DYRK1A: variants seen among roughly 807,000 people sequenced by gnomAD.
DYRK1A encodes dual specificity tyrosine phosphorylation regulated kinase 1A.
A neutral mutation model predicts 79.7 loss-of-function variants in DYRK1A; 9 were observed. The ratio of observed to expected loss-of-function variants is 0.11; its 90% confidence interval spans 0.07 to 0.20. The LOEUF (loss-of-function observed/expected upper bound fraction) is 0.20. DYRK1A is among the 10% of genes least tolerant of loss of function. The pLI is 1.00. For missense variants in DYRK1A, 622 were observed against 956.0 expected, an observed-to-expected ratio of 0.65 and a Z score of 4.61; for synonymous variants, 349 against 329.7, an observed-to-expected ratio of 1.06 and a Z score of -0.63.
intron 2 of DYRK1A, among the ~76,000 whole-genome samples, chr21:37,466,164 T>C (rs1237212400): frequency 6.6e-6 from 1 of 152,234 alleles, no homozygotes; most frequent in African/African-American, 2.4e-5. Flanking sequence ...TACCCATCTT[T>C]CCTTCCAGAT....
intron 2 of DYRK1A, among the ~76,000 whole-genome samples, chr21:37,440,993 C>T (rs919255835): frequency 3.3e-5 from 5 of 152,036 alleles, no homozygotes; most frequent in African/African-American, 7.2e-5. Context: ...TATTGAGAGA[C>T]GGATATTGAA....
chr21:37,449,557 CGT>C (rs775157512), intron 2 of DYRK1A, among the ~76,000 whole-genome samples: 6 of 152,090 alleles, frequency 3.9e-5, no homozygotes. Context: ...GTCTTAGTCA[CGT>C]GGCCATGCTA....
chr21:37,366,667 G>A (rs1331074047), upstream of DYRK1A, among the ~76,000 whole-genome samples: 3 of 151,772 alleles, frequency 2.0e-5, no homozygotes, highest in Admixed American at 1.3e-4. Context: ...GGAATCTGCC[G>A]TTACCTGAGC....
At chr21:37,380,981 A>G (rs1165622078) in intron 1 of DYRK1A, among the ~76,000 whole-genome samples, 4 of 152,098 alleles carry the variant, frequency 2.6e-5, no homozygotes, top group Non-Finnish European at 4.4e-5. Context: ...TAAAAATCTC[A>G]TGTGTCCTTG....
At chr21:37,412,561 C>CT (rs1973888585) in intron 1 of DYRK1A, among the ~76,000 whole-genome samples, 3 of 152,000 alleles carry the variant, frequency 2.0e-5, no homozygotes, top group African/African-American at 7.3e-5. Flanking sequence ...ACCATCAGGC[C>CT]TAGGAGATAG....
rs1016145398 is a variant in DYRK1A at position 37,525,487 on chromosome 21, C to G, written c.*12956C>G. ...ACCTCCCACTGGGTCCTACCCATGA[C>G]ACGTGGGGATTATGGGGGCTACAAT... is the stretch of plus-strand genomic sequence containing the variant. On this transcript the variant is annotated 3_prime_UTR_variant, in exon 12 of 12. Transcript: ENST00000647188. The G allele has an allele frequency of 1.3e-5, 2 of 152,166 alleles. No individual in the cohort carries two copies. Among genetic ancestry groups the G allele is most frequent in the Non-Finnish European group, 2.9e-5 (2 of 68,046 alleles). The allele number at this position is 152,166 out of a possible 1,614,324, so 9.4% of individuals were successfully genotyped here. A position where few individuals can be genotyped will look rare whatever the true frequency, so the allele number is the denominator to read the frequency against.
intron 3 of DYRK1A, among the ~76,000 whole-genome samples, chr21:37,474,145 T>TGTGGGG (rs2052319301): frequency 6.6e-6 from 1 of 152,198 alleles, no homozygotes; most frequent in African/African-American, 2.4e-5. Context: ...CAGCCTGGGC[T>TGTGGGG]TCCTTCTTCT....
At chr21:37,389,930 T>G (rs1181848805) in intron 1 of DYRK1A, among the ~76,000 whole-genome samples, 1 of 151,612 alleles carries the variant, frequency 6.6e-6, no homozygotes, top group East Asian at 1.9e-4. Flanking sequence ...TTTTTGTTTT[T>G]TTTTTTTTTT....
intron 1 of DYRK1A, among the ~76,000 whole-genome samples, chr21:37,403,657 A>ATGTGTGTG (rs1569295416): frequency 8.0e-6 from 1 of 124,952 alleles, no homozygotes; most frequent in African/African-American, 3.3e-5. Flanking sequence ...AAATATATAT[A>ATGTGTGTG]TATATATGTG....
Position 37,480,788 on chromosome 21 carries a change from G to A in DYRK1A, c.451G>A (p.Glu151Lys), listed in dbSNP as rs1470299902. The change falls in exon 5 of 12, where the codon GAA becomes AAA. Residue 151 changes from glutamate to lysine, a missense_variant. Coordinates refer to ENST00000647188, the MANE Select transcript of DYRK1A (RefSeq NM_001347721.2). ...CGGAGAAAAGTGGATGGATCGTTAC[G>A]AAATTGACTCCTTGATAGGCAAAGG... ...KNGEKWMDRY[E>K]IDSLIGKGSF... The A allele has an allele frequency of 1.9e-6, 3 of 1,608,082 alleles. No individual in the cohort carries two copies. The highest frequency in any genetic ancestry group is 2.5e-6 in the Non-Finnish European group (3 of 1,177,746).
At chr21:37,484,149 T>C (rs933665940) in intron 5 of DYRK1A, among the ~76,000 whole-genome samples, 2 of 152,140 alleles carry the variant, frequency 1.3e-5, no homozygotes, top group Non-Finnish European at 2.9e-5. Context: ...CTAGGTTGTG[T>C]ACTCCTTATG....
At chr21:37,412,279 C>T (rs1041656734) in intron 1 of DYRK1A, among the ~76,000 whole-genome samples, 3 of 152,202 alleles carry the variant, frequency 2.0e-5, no homozygotes, top group African/African-American at 7.2e-5. Context: ...TAAGATCATA[C>T]GTTTCTAAAT....
At chr21:37,432,215 G>A (rs556978195) in intron 2 of DYRK1A, among the ~76,000 whole-genome samples, 4 of 152,130 alleles carry the variant, frequency 2.6e-5, no homozygotes, top group Admixed American at 2.0e-4. Flanking sequence ...AAGGGAGGGA[G>A]GAAGAGGATG....
rs963237946 is a variant in DYRK1A, at chr21:37,515,075, C to T, written c.*2544C>T. The stretch of plus-strand genomic sequence containing the variant: ...TGTGTTCAGATTGTAAGATCTAGTC[C>T]GGACTTGCTGTGTATATTGTAACGT... On this transcript the variant is annotated 3_prime_UTR_variant, in exon 12 of 12. Coordinates refer to ENST00000647188, the MANE Select transcript of DYRK1A (RefSeq NM_001347721.2). 2 of 152,464 alleles carry T rather than the reference C, an allele frequency of 1.3e-5. No homozygotes were observed. The highest frequency in any genetic ancestry group is 2.9e-5 in the Non-Finnish European group (2 of 68,006). The allele number at this position is 152,464 out of a possible 1,614,324, so 9.4% of individuals were successfully genotyped here. A position where few individuals can be genotyped will look rare whatever the true frequency, so the allele number is the denominator to read the frequency against.
chr21:37,454,569 A>G (rs1191336180), intron 2 of DYRK1A, among the ~76,000 whole-genome samples: 1 of 152,218 alleles, frequency 6.6e-6, no homozygotes, highest in Admixed American at 6.5e-5. Flanking sequence ...AGGTAATGAT[A>G]TTCTAAATCT....
intron 2 of DYRK1A, 87 bp from the exon 3 acceptor site, chr21:37,472,597 T>A (rs181142211): frequency 1.7e-6 from 2 of 1,186,716 alleles, no homozygotes; most frequent in East Asian, 2.5e-5. Context: ...ATCCTAAAGT[T>A]CTTATTTAAG....
chr21:37,456,656 C>T (rs2051647510), intron 2 of DYRK1A, among the ~76,000 whole-genome samples: 1 of 152,172 alleles, frequency 6.6e-6, no homozygotes, highest in Non-Finnish European at 1.5e-5. Flanking sequence ...ACCCTCCTAT[C>T]TTGGAGGCAT....
chr21:37,400,222 CCT>C lies in DYRK1A; in HGVS notation c.-76-20071_-76-20070del, dbSNP rs1432807266. Among the ~76,000 whole-genome samples, 5 of 152,286 alleles carry C rather than the reference CCT, an allele frequency of 3.3e-5. No homozygotes were observed. In the East Asian group the frequency reaches 5.8e-4, roughly 18 times the overall value. On this transcript the variant is annotated intron_variant, in intron 1 of 11. Transcript: ENST00000647188. ...TCTTTTTGTGTCAGATTGCCCCCTCCCTCTCTCAACATTTGTGATGGCATTTA... is the reference window on the plus strand; with the variant it reads ...TCTTTTTGTGTCAGATTGCCCCCTCCCTCTCAACATTTGTGATGGCATTTA...
At chr21:37,445,088 G>T (rs9982990) in intron 2 of DYRK1A, among the ~76,000 whole-genome samples, 56,403 of 151,948 alleles carry the variant, frequency 0.37, 10,905 homozygotes, top group African/African-American at 0.47. Flanking sequence ...GCAGGATGGC[G>T]GCAGAATCTG....
Sources: allele counts gnomAD v4.1 joint callset (sites outside exome capture counted in the v4.1 genomes callset), GRCh38; gene constraint gnomAD v4.1.1; transcripts MANE v1.5; gene names NCBI Gene and HGNC (gene_info 2026-07-23, HGNC 2026-07-21).